The following APP variants were observed in gnomAD, a reference collection of about 807,000 sequenced individuals.
APP encodes the protein amyloid beta precursor protein.
In APP, 31 loss-of-function variants were observed where a neutral mutation model predicts 101.4. That is an observed-to-expected ratio of 0.31 (90% CI 0.23 to 0.41). APP has a LOEUF of 0.41. Among genes scored for constraint, APP ranks in the 10% least tolerant of loss-of-function variants. The pLI, the probability that APP is intolerant of heterozygous loss-of-function variation, is 1.00. For missense variants in APP, 839 were observed against 1,003.7 expected (o/e 0.84, Z 2.22); for synonymous variants, 366 against 364.4 (o/e 1.00, Z -0.05).
rs57594630 is a variant in APP, at chr21:26,059,890, C to CAAAAAAAAA, written c.356-6551_356-6543dup. On this transcript the variant is annotated intron_variant, in intron 3 of 17. Transcript: ENST00000346798. ...TGAGCGAAAGAGCGAGACTCCGTCT[C>CAAAAAAAAA]AAAAAAAAAAAAAAAAAAAAAAAAA... 1.3e-4 allele frequency among the ~76,000 whole-genome samples: 9 copies of CAAAAAAAAA among 70,660 alleles called. No homozygotes were observed. The East Asian group carries it at 1.7e-3, about 13-fold the overall frequency. The allele number at this position is 70,660 out of a possible 152,430, so 46.4% of individuals were successfully genotyped here.
intron 1 of APP, among the ~76,000 whole-genome samples, chr21:26,133,362 CTA>C (rs1491473166): frequency 6.6e-6 from 1 of 152,210 alleles, no homozygotes. Context: ...TAGGACTAGT[CTA>C]ATGTTTGTAT....
rs145564988 is a variant in APP, at chr21:25,891,785, G to A, written c.2148C>T (p.Ile716=). 1.9e-4 allele frequency: 307 copies of A among 1,613,906 alleles called. No homozygotes were observed. The highest frequency in any genetic ancestry group is 2.5e-4 in the Non-Finnish European group (290 of 1,179,952). ...TCTTCAGCATCACCAAGGTGATGACGATCACTGTCGCTATGACAACACCGC... is the reference window on the plus strand; with the variant it reads ...TCTTCAGCATCACCAAGGTGATGACAATCACTGTCGCTATGACAACACCGC... The part of the protein sequence containing the change: ...MVGGVVIATV[I]VITLVMLKKK... The change falls in exon 17 of 18, where the codon ATC becomes ATT. Residue 716 remains isoleucine, a synonymous_variant. Coordinates refer to ENST00000346798, the MANE Select transcript of APP (RefSeq NM_000484.4).
intron 13 of APP, among the ~76,000 whole-genome samples, chr21:25,923,675 T>A (rs375063262): frequency 5.1e-5 from 7 of 137,774 alleles, no homozygotes; most frequent in Non-Finnish European, 7.8e-5. Flanking sequence ...TCAAAACCAC[T>A]ATGAGATATC....
chr21:25,982,400 G>A lies in APP; in HGVS notation c.1168C>T (p.His390Tyr). 1.2e-6 allele frequency: 2 copies of A among 1,613,744 alleles called. No homozygotes were observed. Among genetic ancestry groups the A allele is most frequent in the African/African-American group, 1.3e-5 (1 of 74,958 alleles). ...ETPGDENEHA[H>Y]FQKAKERLEA... ...AGCCTCTCTTTGGCTTTCTGGAAAT[G>A]GGCATGTTCATTCTCATCCCCAGGT... The change falls in exon 9 of 18, where the codon CAT becomes TAT. Residue 390 changes from histidine to tyrosine, a missense_variant. By Grantham distance (83) the His-to-Tyr change is moderately conservative (BLOSUM62 2). Coordinates refer to ENST00000346798, the MANE Select transcript of APP (RefSeq NM_000484.4).
chr21:25,915,272 C>A (rs753834988), intron 13 of APP, among the ~76,000 whole-genome samples: 1 of 152,214 alleles, frequency 6.6e-6, no homozygotes, highest in Non-Finnish European at 1.5e-5. Context: ...CATCTCTGCT[C>A]ATCTACGTTA....
At position 26,021,978 on chromosome 21, in the gene APP, C is replaced by T. The variant is rs750279232; in HGVS notation, c.727G>A (p.Asp243Asn). ...CCATCCTCATCGTCCTCGTCATCAT[C>T]GGCTTCTTCTTCTTCCACCTCAGCC... is the stretch of plus-strand genomic sequence containing the variant. Reference protein sequence around the residue: ...EVAEVEEEEADDDEDDEDGDE... With the variant: ...EVAEVEEEEANDDEDDEDGDE... The change falls in exon 6 of 18, where the codon GAT (aspartate) becomes AAT (asparagine). Residue 243 changes from aspartate (D) to asparagine (N), a missense_variant. Physicochemically the swap from Asp to Asn is conservative, Grantham distance 23. Transcript: ENST00000346798. 64 of 1,613,894 alleles carry T rather than the reference C, an allele frequency of 4.0e-5. No homozygotes were observed. The highest frequency in any genetic ancestry group is 5.0e-5 in the Admixed American group (3 of 59,974).
intron 5 of APP, among the ~76,000 whole-genome samples, chr21:26,037,001 C>T (rs1052368457): frequency 7.9e-5 from 12 of 151,866 alleles, no homozygotes; most frequent in Middle Eastern, 3.4e-3. Context: ...TGTGTGTGTC[C>T]GTGCGTGCAT....
chr21:25,890,045 C>G (rs1300653375), intron 17 of APP, among the ~76,000 whole-genome samples: 1 of 152,146 alleles, frequency 6.6e-6, no homozygotes, highest in Non-Finnish European at 1.5e-5. Context: ...ACCTATCTTA[C>G]ACTGTTTTGA....
At chr21:26,141,949 A>G (rs994952098) in intron 1 of APP, among the ~76,000 whole-genome samples, 2 of 152,196 alleles carry the variant, frequency 1.3e-5, no homozygotes, top group East Asian at 1.9e-4. Flanking sequence ...ACCCAATTAC[A>G]TCCAGTTAGG....
At chr21:26,071,015 A>G (rs1406727684) in intron 3 of APP, among the ~76,000 whole-genome samples, 1 of 152,192 alleles carries the variant, frequency 6.6e-6, no homozygotes, top group Non-Finnish European at 1.5e-5. Flanking sequence ...TTCCAGGCAG[A>G]GCACGAGTGT....
chr21:25,960,132 T>C (rs2041513580), intron 11 of APP, among the ~76,000 whole-genome samples: 1 of 152,178 alleles, frequency 6.6e-6, no homozygotes, highest in African/African-American at 2.4e-5. Context: ...TTCCAGAACT[T>C]ATATGCCTTC....
chr21:25,887,967 G>GTTT, intron 17 of APP, among the ~76,000 whole-genome samples: 1 of 152,034 alleles, frequency 6.6e-6, no homozygotes, highest in Admixed American at 6.6e-5. Flanking sequence ...GTTCTCAGGA[G>GTTT]TTTTTTTCCT....
chr21:26,120,827 A>G (rs2062549310), intron 1 of APP, among the ~76,000 whole-genome samples: 1 of 152,204 alleles, frequency 6.6e-6, no homozygotes. Context: ...CATACCTCAC[A>G]TGTGGCTATG....
intron 1 of APP, among the ~76,000 whole-genome samples, chr21:26,144,509 C>T (rs573631885): frequency 6.6e-6 from 1 of 152,208 alleles, no homozygotes; most frequent in African/African-American, 2.4e-5. Flanking sequence ...TAATCTCCTA[C>T]ACTAAATAGT....
At chr21:26,083,043 T>C (rs2061628449) in intron 3 of APP, among the ~76,000 whole-genome samples, 1 of 152,176 alleles carries the variant, frequency 6.6e-6, no homozygotes, top group Admixed American at 6.5e-5. Context: ...AAAAAAATCA[T>C]AGCTAAATGT....
At chr21:25,951,698 A>G (rs978715393) in intron 13 of APP, among the ~76,000 whole-genome samples, 3 of 152,224 alleles carry the variant, frequency 2.0e-5, no homozygotes, top group Non-Finnish European at 4.4e-5. Context: ...AAAAAAATCT[A>G]TGAAGAACCT....
chr21:26,022,074 T>C, intron 5 of APP, 32 bp from the exon 6 acceptor site: 9 of 1,608,306 alleles, frequency 5.6e-6, no homozygotes, highest in Non-Finnish European at 7.7e-6. Flanking sequence ...ACAGAAAAAG[T>C]CAATTAAACA....
intron 5 of APP, among the ~76,000 whole-genome samples, chr21:26,030,961 G>A (rs1378609322): frequency 6.6e-6 from 1 of 152,142 alleles, no homozygotes; most frequent in African/African-American, 2.4e-5. Context: ...TGCCTTCCTG[G>A]TATTTACATT....
chr21:25,964,087 A>G (rs1185333627), intron 11 of APP, among the ~76,000 whole-genome samples: 1 of 152,226 alleles, frequency 6.6e-6, no homozygotes, highest in Non-Finnish European at 1.5e-5. Context: ...CACTTAGTTC[A>G]TAAGGCCAGA....
Sources: allele counts gnomAD v4.1 joint callset (sites outside exome capture counted in the v4.1 genomes callset), GRCh38; gene constraint gnomAD v4.1.1; transcripts MANE v1.5; gene names NCBI Gene and HGNC (gene_info 2026-07-23, HGNC 2026-07-21).